The following STRBP variants were observed in gnomAD, a reference collection of about 807,000 sequenced individuals.
STRBP encodes spermatid perinuclear RNA-binding protein.
STRBP carries 13 observed loss-of-function variants against 80.1 expected under a neutral mutation model. The ratio of observed to expected loss-of-function variants is 0.16; its 90% CI spans 0.11 to 0.26. The LOEUF (loss-of-function observed/expected upper bound fraction) is 0.26. STRBP is among the 10% of genes least tolerant of loss of function. The pLI is 1.00. For synonymous variants in STRBP, 284 were observed against 291.2 expected (o/e 0.98, Z 0.25); for missense variants, 485 against 815.2 (o/e 0.59, Z 4.93).
chr9:123,172,608 T>C (rs572583030), intron 5 of STRBP, among the ~76,000 whole-genome samples: 2 of 152,218 alleles, frequency 1.3e-5, no homozygotes, highest in South Asian at 4.1e-4. Flanking sequence ...AACCATATAT[T>C]AAGACAAAAT....
chr9:123,212,511 C>G (rs2039747245), intron 2 of STRBP: 1 of 152,084 alleles, frequency 6.6e-6, no homozygotes, highest in Admixed American at 6.6e-5. Flanking sequence ...AAAAAAGAGA[C>G]AGAAAAGGAG....
chr9:123,119,831 GAA>G (rs2035702043), downstream of STRBP, among the ~76,000 whole-genome samples: 1 of 152,198 alleles, frequency 6.6e-6, no homozygotes, highest in African/African-American at 2.4e-5. Context: ...TGGAAGGAGA[GAA>G]ATTCTTTGGC....
Position 123,123,502 on chromosome 9 carries a change from T to G in STRBP, c.*2095A>C. ...GCAGCAACTGGGCAGGTTTACAACA[T>G]GGTTAGTAACTTCCAACAAACAACA... is the stretch of plus-strand genomic sequence containing the variant. On this transcript the variant is annotated 3_prime_UTR_variant, in exon 19 of 19. Coordinates refer to ENST00000348403, the MANE Select transcript of STRBP (RefSeq NM_018387.5). The G allele has an allele frequency of 1.0e-6, 1 of 980,870 alleles. No individual in the cohort carries two copies. 60.8% of individuals were successfully genotyped at this position (980,870 alleles called of 1,614,324 possible). A position where few individuals can be genotyped will look rare whatever the true frequency, so the allele number is the denominator to read the frequency against.
intron 1 of STRBP, among the ~76,000 whole-genome samples, chr9:123,243,714 A>G (rs2040744791): frequency 6.6e-6 from 1 of 152,254 alleles, no homozygotes; most frequent in Admixed American, 6.5e-5. Context: ...AAATAAGCAT[A>G]TGAAAACATA....
At chr9:123,212,295 G>A (rs2039737768) in intron 2 of STRBP, among the ~76,000 whole-genome samples, 1 of 152,116 alleles carries the variant, frequency 6.6e-6, no homozygotes, top group Admixed American at 6.5e-5. Flanking sequence ...ACCTACCTCT[G>A]ACACGGGTTC....
chr9:123,215,878 T>A (rs575841517), intron 2 of STRBP, among the ~76,000 whole-genome samples: 26 of 152,346 alleles, frequency 1.7e-4, no homozygotes, highest in African/African-American at 5.3e-4. Context: ...AGTTCGATTC[T>A]GGATTCTTAT....
At chr9:123,215,991 A>C (rs565114902) in intron 2 of STRBP, among the ~76,000 whole-genome samples, 1 of 152,142 alleles carries the variant, frequency 6.6e-6, no homozygotes, top group Non-Finnish European at 1.5e-5. Flanking sequence ...ATTAGACTCA[A>C]CCATGCTTAC....
intron 2 of STRBP, among the ~76,000 whole-genome samples, chr9:123,210,715 G>A (rs1392540441): frequency 6.6e-6 from 1 of 152,010 alleles, no homozygotes; most frequent in Non-Finnish European, 1.5e-5. Flanking sequence ...TGTAATCCCA[G>A]CTACTCAGTA....
chr9:123,118,504 A>G (rs1452517953), downstream of STRBP, among the ~76,000 whole-genome samples: 2 of 152,230 alleles, frequency 1.3e-5, no homozygotes, highest in Non-Finnish European at 2.9e-5. Flanking sequence ...CCTCCTCAGA[A>G]GGAGTAAGTA....
At chr9:123,267,742 T>A (rs1183567001) in intron 1 of STRBP, among the ~76,000 whole-genome samples, 1 of 64,344 alleles carries the variant, frequency 1.6e-5, no homozygotes, top group East Asian at 4.4e-4. Context: ...CCCGCCCCAC[T>A]CCCTGCCCCT....
chr9:123,259,416 T>C lies in STRBP; in HGVS notation c.-302+9020A>G, dbSNP rs558737351. On this transcript the variant is annotated intron_variant, in intron 1 of 18. Coordinates refer to ENST00000348403, the MANE Select transcript of STRBP (RefSeq NM_018387.5). ...GGAGTTCCAGGCTAGAGATAAAAATTTGAGAGTCAGCCAGGCGCAATGGCT... is the reference window on the plus strand; with the variant it reads ...GGAGTTCCAGGCTAGAGATAAAAATCTGAGAGTCAGCCAGGCGCAATGGCT... Among the ~76,000 whole-genome samples the C allele has an allele frequency of 1.1e-4, 17 of 152,126 alleles. No homozygotes were observed. In the South Asian group the frequency reaches 3.1e-3, roughly 28 times the overall value.
At chr9:123,235,509 A>G (rs1401652830) in intron 2 of STRBP, among the ~76,000 whole-genome samples, 6 of 59,492 alleles carry the variant, frequency 1.0e-4, no homozygotes, top group Admixed American at 2.1e-4. Context: ...CAACTTCAGG[A>G]AAAAAAAAAA....
At chr9:123,235,508 GAAAAA>G (rs200275946) in intron 2 of STRBP, among the ~76,000 whole-genome samples, 5 of 77,010 alleles carry the variant, frequency 6.5e-5, no homozygotes, top group Admixed American at 4.1e-4. Context: ...GCAACTTCAG[GAAAAA>G]AAAAAAAAAA....
rs2037755859 is a variant in STRBP at position 123,166,307 on chromosome 9, A to C, written c.535+3595T>G. ...TTGAGTAGGTGCATTCAATAAGTTG[A>C]CTACTACTATTTACTGAGCAACTAC... On this transcript the variant is annotated intron_variant, in intron 6 of 18. Coordinates refer to ENST00000348403, the MANE Select transcript of STRBP (RefSeq NM_018387.5). 2.0e-5 allele frequency among the ~76,000 whole-genome samples: 3 copies of C among 152,188 alleles called. No homozygotes were observed. In the South Asian group the frequency reaches 6.2e-4, roughly 31 times the overall value.
At chr9:123,168,857 A>G (rs757976603) in intron 6 of STRBP, among the ~76,000 whole-genome samples, 2 of 152,208 alleles carry the variant, frequency 1.3e-5, no homozygotes, top group Non-Finnish European at 2.9e-5. Context: ...CCACAATTCC[A>G]TCATGAACTT....
chr9:123,264,253 T>C (rs997512473), intron 1 of STRBP, among the ~76,000 whole-genome samples: 14 of 152,200 alleles, frequency 9.2e-5, no homozygotes, highest in African/African-American at 3.4e-4. Context: ...TTAGAAACAA[T>C]CTTGGGCTAT....
rs1174700619 is a variant in STRBP at position 123,128,245 on chromosome 9, T to G, written c.1911A>C (p.Pro637=). 6.2e-7 allele frequency: 1 copy of G among 1,614,170 alleles called. No individual in the cohort carries two copies. Among genetic ancestry groups the G allele is most frequent in the Non-Finnish European group, 8.5e-7 (1 of 1,180,026 alleles). The change falls in exon 18 of 19, where the codon CCA becomes CCC. Residue 637 remains proline, a synonymous_variant. Transcript: ENST00000348403. ...CAGGGGCAGCTGTGCTGTAACCATA[T>G]GGTGTTCCATAGCCTAGTGCAAAGA... The part of the protein sequence containing the change: ...PGYIAPGYGT[P]YGYSTAAPAY...
chr9:123,231,656 A>C (rs981355634), intron 2 of STRBP, among the ~76,000 whole-genome samples: 3 of 152,068 alleles, frequency 2.0e-5, no homozygotes, highest in African/African-American at 7.2e-5. Context: ...TTTTACTACC[A>C]AATTATCTCC....
intron 13 of STRBP, among the ~76,000 whole-genome samples, chr9:123,140,536 G>C (rs1564228068): frequency 6.6e-6 from 1 of 152,126 alleles, no homozygotes; most frequent in Non-Finnish European, 1.5e-5. Context: ...GGAGGTTGCA[G>C]TGAGCGGAGA....
Sources: allele counts gnomAD v4.1 joint callset (sites outside exome capture counted in the v4.1 genomes callset), GRCh38; gene constraint gnomAD v4.1.1; transcripts MANE v1.5; gene names NCBI Gene and HGNC (gene_info 2026-07-23, HGNC 2026-07-21).